The following ADAMTSL1 variants were observed in gnomAD, a reference collection of about 807,000 sequenced individuals.
ADAMTSL1 encodes ADAMTS-like protein 1.
In ADAMTSL1, 126 loss-of-function variants were observed where a neutral mutation model predicts 201.8. The observed-to-expected ratio is 0.62, with a 90% CI of 0.54 to 0.72. The LOEUF is 0.72. Ranked by LOEUF, ADAMTSL1 falls within the 30% of genes least tolerant of loss-of-function variation. ADAMTSL1 has a pLI of 0.00. For missense variants in ADAMTSL1, 2,679 were observed against 2,277.8 expected (o/e 1.18, Z -3.59); for synonymous variants, 1,121 against 903.4 (o/e 1.24, Z -4.32).
At chr9:18,528,776 C>T (rs558329167) in intron 2 of ADAMTSL1, among the ~76,000 whole-genome samples, 55 of 152,108 alleles carry the variant, frequency 3.6e-4, no homozygotes, top group African/African-American at 1.3e-3. Flanking sequence ...TCTGAACTCC[C>T]GAAACACAGT....
intron 2 of ADAMTSL1, among the ~76,000 whole-genome samples, chr9:18,172,250 C>G (rs1421213033): frequency 6.6e-6 from 1 of 151,920 alleles, no homozygotes; most frequent in African/African-American, 2.4e-5. Context: ...ACGTTCTACA[C>G]ATGTACCCCA....
chr9:18,599,126 C>G (rs189363648), intron 4 of ADAMTSL1, among the ~76,000 whole-genome samples: 4 of 152,194 alleles, frequency 2.6e-5, no homozygotes, highest in Non-Finnish European at 4.4e-5. Context: ...ATGCACCCAT[C>G]CATGCAATAG....
chr9:18,761,816 T>A (rs940508586), intron 16 of ADAMTSL1, among the ~76,000 whole-genome samples: 1 of 152,176 alleles, frequency 6.6e-6, no homozygotes, highest in Non-Finnish European at 1.5e-5. Context: ...TGAAGAAAAT[T>A]TGAGAACACA....
At chr9:17,906,697 A>C (rs923908673) in exon 1 of ADAMTSL1, 2 of 152,398 alleles carry the variant, frequency 1.3e-5, no homozygotes, top group Admixed American at 6.5e-5. Flanking sequence ...GCCCCAGCGC[A>C]GCTCTGTCTC....
intron 16 of ADAMTSL1, among the ~76,000 whole-genome samples, chr9:18,761,784 C>T (rs926606586): frequency 6.6e-6 from 1 of 152,138 alleles, no homozygotes; most frequent in African/African-American, 2.4e-5. Context: ...TCTAAAAATG[C>T]CTTTCATCAA....
At position 18,492,431 on chromosome 9, in the gene ADAMTSL1, A is replaced by G. The variant is rs12336527; in HGVS notation, c.64-12398A>G. Among the ~76,000 whole-genome samples the G allele has an allele frequency of 5.4e-3, 822 of 152,324 alleles. 9 individuals are homozygous for G. Among genetic ancestry groups the G allele is most frequent in the African/African-American group, 0.019 (799 of 41,574 alleles). ...GCATTTCTTTTATTATTCAGAAGTCACTTTAGGATCTGCCATAGGTTCTGG... is the reference window on the plus strand; with the variant it reads ...GCATTTCTTTTATTATTCAGAAGTCGCTTTAGGATCTGCCATAGGTTCTGG... On this transcript the variant is annotated intron_variant, in intron 1 of 28. Coordinates refer to ENST00000380548, the MANE Select transcript of ADAMTSL1 (RefSeq NM_001040272.6).
chr9:18,446,567 G>A (rs1185187548), intron 2 of ADAMTSL1, among the ~76,000 whole-genome samples: 1 of 152,220 alleles, frequency 6.6e-6, no homozygotes, highest in Non-Finnish European at 1.5e-5. Context: ...TGAACGTGCA[G>A]AAACTGGACC....
intron 2 of ADAMTSL1, among the ~76,000 whole-genome samples, chr9:18,324,010 G>C (rs948448671): frequency 6.6e-6 from 1 of 152,116 alleles, no homozygotes; most frequent in Admixed American, 6.5e-5. Flanking sequence ...AAAGGGCTCA[G>C]AAGAGCCTAA....
chr9:18,693,315 A>G (rs1033574376), intron 13 of ADAMTSL1, among the ~76,000 whole-genome samples: 2 of 152,216 alleles, frequency 1.3e-5, no homozygotes, highest in Non-Finnish European at 1.5e-5. Flanking sequence ...ATTTCAACTT[A>G]CCTCAAGCTA....
intron 14 of ADAMTSL1, among the ~76,000 whole-genome samples, 180 bp from the exon 15 acceptor site, chr9:18,721,356 C>T (rs986652535): frequency 3.9e-5 from 6 of 152,188 alleles, no homozygotes; most frequent in African/African-American, 1.4e-4. Context: ...AATACTTTCT[C>T]CCAGCTCAAG....
At chr9:17,937,299 G>A (rs1827049168) in intron 1 of ADAMTSL1, among the ~76,000 whole-genome samples, 2 of 152,010 alleles carry the variant, frequency 1.3e-5, no homozygotes, top group South Asian at 4.2e-4. Flanking sequence ...GGCTTTATCT[G>A]CATTTTTGGA....
chr9:18,459,598 C>T (rs1233211032), intron 2 of ADAMTSL1, among the ~76,000 whole-genome samples: 2 of 152,122 alleles, frequency 1.3e-5, no homozygotes, highest in East Asian at 1.9e-4. Context: ...CTTCGTTAAT[C>T]CAGTCAGTTT....
At position 17,963,713 on chromosome 9, in the gene ADAMTSL1, A is replaced by T. The variant is rs574275965; in HGVS notation, c.87+56791A>T. ...TGCAGATTGAGATTCAAATTGGAGGACACTAAAACTGTAATGGGCCTTTGT... is the reference window on the plus strand; with the variant it reads ...TGCAGATTGAGATTCAAATTGGAGGTCACTAAAACTGTAATGGGCCTTTGT... On this transcript the variant is annotated intron_variant, in intron 1 of 29. Coordinates refer to the ADAMTSL1 transcript ENST00000680146. Among the ~76,000 whole-genome samples the T allele has an allele frequency of 7.9e-5, 12 of 152,264 alleles. No individual in the cohort carries two copies. The South Asian group carries it at 2.5e-3, about 32-fold the overall frequency.
intron 3 of ADAMTSL1, among the ~76,000 whole-genome samples, chr9:18,556,065 A>G (rs1821092380): frequency 6.6e-6 from 1 of 151,970 alleles, no homozygotes; most frequent in African/African-American, 2.4e-5. Context: ...TGTAAGGAAC[A>G]CTGATGACTT....
At chr9:18,293,802 C>G (rs940579704) in intron 2 of ADAMTSL1, among the ~76,000 whole-genome samples, 20 of 152,164 alleles carry the variant, frequency 1.3e-4, no homozygotes, top group African/African-American at 4.6e-4. Flanking sequence ...GTTCTAGAGA[C>G]TGCATGAGTT....
intron 4 of ADAMTSL1, among the ~76,000 whole-genome samples, chr9:18,617,792 C>T (rs1564092573): frequency 6.6e-6 from 1 of 152,090 alleles, no homozygotes; most frequent in Non-Finnish European, 1.5e-5. Flanking sequence ...TTTCTTGGAG[C>T]TTCTTACTTT....
intron 13 of ADAMTSL1, 119 bp from the exon 14 acceptor site, chr9:18,706,628 T>C: frequency 9.8e-7 from 1 of 1,017,290 alleles, no homozygotes; most frequent in South Asian, 1.7e-5. Flanking sequence ...GGAGGAGCCC[T>C]GAGTACCCCT....
At chr9:18,490,356 A>C (rs1415012431) in intron 1 of ADAMTSL1, among the ~76,000 whole-genome samples, 1 of 151,928 alleles carries the variant, frequency 6.6e-6, no homozygotes, top group Non-Finnish European at 1.5e-5. Flanking sequence ...GGTGAAGGGG[A>C]TGAGGAGGAA....
At chr9:18,624,965 A>G (rs372750419) in intron 5 of ADAMTSL1, among the ~76,000 whole-genome samples, 100 of 152,328 alleles carry the variant, frequency 6.6e-4, no homozygotes, top group African/African-American at 2.3e-3. Context: ...CACCATATGC[A>G]TGCACCTCAC....
Sources: allele counts gnomAD v4.1 joint callset (sites outside exome capture counted in the v4.1 genomes callset), GRCh38; gene constraint gnomAD v4.1.1; transcripts MANE v1.5; gene names NCBI Gene and HGNC (gene_info 2026-07-23, HGNC 2026-07-21).